Variants in CLASP1 observed in about 807,000 individuals in gnomAD.
CLASP1 encodes the protein CLIP-associating protein 1.
In CLASP1, 38 loss-of-function variants were observed where a neutral mutation model predicts 192.3. That is an observed-to-expected ratio of 0.20 (90% confidence interval 0.15 to 0.26). The LOEUF (loss-of-function observed/expected upper bound fraction) is 0.26, where lower values mean the gene tolerates loss of function less well. CLASP1 is among the 10% of genes least tolerant of loss of function. The probability of loss-of-function intolerance (pLI) is 1.00; values close to 1 mark genes in which losing one functional copy is unlikely to be tolerated. For missense variants in CLASP1, 1,433 were observed against 1,932.5 expected (o/e 0.74, Z 4.85); for synonymous variants, 691 against 712.8 (o/e 0.97, Z 0.49).
At chr2:121,620,116 G>T (rs2067088403) in intron 1 of CLASP1, among the ~76,000 whole-genome samples, 2 of 151,736 alleles carry the variant, frequency 1.3e-5, no homozygotes, top group Non-Finnish European at 2.9e-5. Context: ...CAGCTACTGA[G>T]GAGGCTGAGG....
chr2:121,410,936 G>A, exon 24 of CLASP1: 2 of 1,611,018 alleles, frequency 1.2e-6, no homozygotes, highest in Non-Finnish European at 1.7e-6. Flanking sequence ...CACAGAACCA[G>A]GTATTCTTCC....
intron 8 of CLASP1, among the ~76,000 whole-genome samples, chr2:121,480,109 A>T: frequency 6.6e-6 from 1 of 152,256 alleles, no homozygotes; most frequent in Non-Finnish European, 1.5e-5. Context: ...TGGTACAGAT[A>T]ACGTGAGAAG....
At chr2:121,427,331 G>T (rs1475467733) in intron 21 of CLASP1, 73 bp downstream of exon 21, 15 of 1,523,872 alleles carry the variant, frequency 9.8e-6, no homozygotes, top group Non-Finnish European at 1.4e-5. Flanking sequence ...TTAATATTGT[G>T]CAAGGAACAT....
chr2:121,432,746 C>A (rs1334710520), intron 19 of CLASP1, among the ~76,000 whole-genome samples: 3 of 151,778 alleles, frequency 2.0e-5, no homozygotes, highest in Non-Finnish European at 2.9e-5. Context: ...ATTTTCTGTT[C>A]TTGGCAGGTA....
chr2:121,492,399 A>AG (rs2093353772), intron 8 of CLASP1, among the ~76,000 whole-genome samples: 1 of 149,698 alleles, frequency 6.7e-6, no homozygotes, highest in East Asian at 1.9e-4. Flanking sequence ...CAAAAAAAAA[A>AG]AAAAAAAAAA....
chr2:121,595,286 T>C (rs2063000944), intron 2 of CLASP1, among the ~76,000 whole-genome samples: 1 of 152,192 alleles, frequency 6.6e-6, no homozygotes, highest in African/African-American at 2.4e-5. Flanking sequence ...AGAATAGGAA[T>C]AATCACAGGG....
At position 121,555,987 on chromosome 2, in the gene CLASP1, GCTTTTTTTTTTT is replaced by G. The variant is rs2058517903; in HGVS notation, c.196-25674_196-25663del. Among the ~76,000 whole-genome samples the G allele has an allele frequency of 5.4e-5, 4 of 73,874 alleles. No homozygotes were observed. In the South Asian group the frequency reaches 1.9e-3, roughly 35 times the overall value. 48.5% of individuals were successfully genotyped at this position (73,874 alleles called of 152,430 possible). On this transcript the variant is annotated intron_variant, in intron 2 of 39. Transcript: ENST00000263710. ...CCACGGCGCCTGCCCCCTACCCACC[GCTTTTTTTTTTT>G]TTTTTTTTTTTTTTTTTTTTTTGAG...
chr2:121,616,673 A>G (rs559519317), intron 1 of CLASP1, among the ~76,000 whole-genome samples: 4 of 152,188 alleles, frequency 2.6e-5, no homozygotes, highest in Non-Finnish European at 5.9e-5. Flanking sequence ...CAACAATTAC[A>G]ATATGATCGA....
At chr2:121,505,552 T>C (rs373908686) in intron 7 of CLASP1, among the ~76,000 whole-genome samples, 1 of 152,322 alleles carries the variant, frequency 6.6e-6, no homozygotes, top group East Asian at 1.9e-4. Context: ...GGTTTTTGTT[T>C]GCTAGCTCTG....
chr2:121,581,753 C>T (rs555168387), intron 2 of CLASP1, among the ~76,000 whole-genome samples: 22 of 152,146 alleles, frequency 1.4e-4, no homozygotes, highest in Admixed American at 2.6e-4. Flanking sequence ...ATCAGGGTGG[C>T]GAATGCCTAT....
chr2:121,495,764 C>T (rs1350292144), intron 8 of CLASP1, among the ~76,000 whole-genome samples: 1 of 152,194 alleles, frequency 6.6e-6, no homozygotes, highest in Non-Finnish European at 1.5e-5. Context: ...CAGTTATTCT[C>T]AAATATTCTT....
At chr2:121,556,233 G>A (rs1451495202) in intron 2 of CLASP1, among the ~76,000 whole-genome samples, 7 of 151,858 alleles carry the variant, frequency 4.6e-5, no homozygotes, top group African/African-American at 9.7e-5. Context: ...TGATCTGCCC[G>A]CCTCAGCCTC....
chr2:121,441,967 G>A (rs1282236017), intron 19 of CLASP1, among the ~76,000 whole-genome samples: 2 of 151,922 alleles, frequency 1.3e-5, no homozygotes, highest in African/African-American at 2.4e-5. Flanking sequence ...AATTTTTATC[G>A]TGTAATCTTA....
At chr2:121,500,243 G>A (rs1176453955) in intron 8 of CLASP1, among the ~76,000 whole-genome samples, 6 of 151,480 alleles carry the variant, frequency 4.0e-5, no homozygotes, top group Admixed American at 6.6e-5. Flanking sequence ...ATTACACTGG[G>A]AGTTGTGTTT....
chr2:121,513,661 T>C (rs943915941), intron 7 of CLASP1, among the ~76,000 whole-genome samples: 3 of 152,082 alleles, frequency 2.0e-5, no homozygotes, highest in Non-Finnish European at 4.4e-5. Context: ...AGCAAAAGGA[T>C]ACAAAGCACA....
At chr2:121,406,414 T>C (rs964759403) in intron 25 of CLASP1, among the ~76,000 whole-genome samples, 2 of 152,194 alleles carry the variant, frequency 1.3e-5, no homozygotes, top group African/African-American at 4.8e-5. Context: ...TTTTCCAAAC[T>C]AAGACTGATA....
intron 1 of CLASP1, among the ~76,000 whole-genome samples, chr2:121,608,520 T>C: frequency 6.6e-6 from 1 of 152,198 alleles, no homozygotes; most frequent in East Asian, 1.9e-4. Context: ...GAGAGGCCAC[T>C]TGGGGAACCA....
intron 1 of CLASP1, among the ~76,000 whole-genome samples, chr2:121,632,891 C>T (rs1202287984): frequency 7.3e-6 from 1 of 137,144 alleles, no homozygotes; most frequent in Non-Finnish European, 1.5e-5. Flanking sequence ...AGTGAAACTC[C>T]ATCTCAGAAA....
At chr2:121,398,292 G>A (rs767992473) in intron 29 of CLASP1, 30 bp downstream of exon 30, 2 of 1,504,856 alleles carry the variant, frequency 1.3e-6, no homozygotes, top group African/African-American at 1.4e-5. Context: ...GAGTTCCAGG[G>A]TTGAATTGTA....
Sources: allele counts gnomAD v4.1 joint callset (sites outside exome capture counted in the v4.1 genomes callset), GRCh38; gene constraint gnomAD v4.1.1; transcripts MANE v1.5; gene names NCBI Gene and HGNC (gene_info 2026-07-23, HGNC 2026-07-21).